The following ERC1 variants were observed in gnomAD, a reference collection of about 807,000 sequenced individuals.
ERC1 encodes ELKS/RAB6-interacting/CAST family member 1.
Under a neutral mutation model 132.0 loss-of-function variants are expected in ERC1, and 56 were observed. The ratio of observed to expected loss-of-function variants is 0.42; its 90% CI spans 0.34 to 0.53. ERC1 has a LOEUF of 0.53. Among genes scored for constraint, ERC1 ranks in the 20% least tolerant of loss-of-function variants. ERC1 has a pLI of 0.03. For missense variants in ERC1, 1,202 were observed against 1,349.9 expected, an observed-to-expected ratio of 0.89 and a Z score of 1.72; for synonymous variants, 478 against 476.1, an observed-to-expected ratio of 1.00 and a Z score of -0.05.
At chr12:1,456,141 A>G (rs1339275647) in intron 18 of ERC1, among the ~76,000 whole-genome samples, 2 of 152,220 alleles carry the variant, frequency 1.3e-5, no homozygotes, top group South Asian at 2.1e-4. Flanking sequence ...CACCAGTGCA[A>G]TGGCTCATGT....
chr12:1,294,754 G>A (rs1170515636), intron 15 of ERC1, among the ~76,000 whole-genome samples: 1 of 152,160 alleles, frequency 6.6e-6, no homozygotes, highest in Non-Finnish European at 1.5e-5. Flanking sequence ...AAGAAAATCT[G>A]ATATATAATT....
chr12:1,311,252 C>T (rs969173022), intron 15 of ERC1, among the ~76,000 whole-genome samples: 4 of 152,098 alleles, frequency 2.6e-5, no homozygotes, highest in African/African-American at 7.2e-5. Context: ...TTCTAAGAGC[C>T]GTAAAACAGA....
rs184896113 is a variant in ERC1, at chr12:1,485,085, C to T, written c.3214-5008C>T. 1.6e-4 allele frequency among the ~76,000 whole-genome samples: 24 copies of T among 151,130 alleles called. 1 individual carries two copies. The South Asian group carries it at 4.6e-3, about 29-fold the overall frequency. ...TTAGTTTTTTGTAGAGATGGGGTCT[C>T]GCTGTGTTGCGCAGGCTGGTCTTGA... On this transcript the variant is annotated intron_variant, in intron 18 of 18. Coordinates refer to ENST00000360905, the MANE Select transcript of ERC1 (RefSeq NM_178040.4).
At chr12:1,287,405 G>A (rs1031408407) in intron 14 of ERC1, among the ~76,000 whole-genome samples, 1 of 152,180 alleles carries the variant, frequency 6.6e-6, no homozygotes, top group Non-Finnish European at 1.5e-5. Flanking sequence ...CGGGGTGCCC[G>A]GATACTTGCT....
At chr12:1,465,839 A>G (rs1403109783) in intron 18 of ERC1, among the ~76,000 whole-genome samples, 1 of 152,194 alleles carries the variant, frequency 6.6e-6, no homozygotes, top group Non-Finnish European at 1.5e-5. Context: ...AGCCTTCTAG[A>G]GAATCTCCTG....
At chr12:1,033,789 C>T (rs1968540458) in intron 2 of ERC1, among the ~76,000 whole-genome samples, 1 of 152,166 alleles carries the variant, frequency 6.6e-6, no homozygotes. Context: ...GCCACCACGC[C>T]TGGCTAATTT....
chr12:1,484,093 C>T (rs1431884596), intron 18 of ERC1, among the ~76,000 whole-genome samples: 2 of 151,086 alleles, frequency 1.3e-5, no homozygotes, highest in Non-Finnish European at 3.0e-5. Context: ...ATCACGAGGT[C>T]AGGAGATCAA....
rs764908852 is a variant in ERC1, at chr12:1,355,682, G to C, written c.2781-16151G>C. Reference sequence around the variant, plus strand: ...TGTAAATAACAAGAGAAAGCGTCTTGTCTTTATTCCTCTTGCTCTGATCGT... The same window carrying C: ...TGTAAATAACAAGAGAAAGCGTCTTCTCTTTATTCCTCTTGCTCTGATCGT... On this transcript the variant is annotated intron_variant, in intron 15 of 18. Transcript: ENST00000360905. Among the ~76,000 whole-genome samples, 62 of 152,174 alleles carry C rather than the reference G, an allele frequency of 4.1e-4. 1 individual carries two copies. The highest frequency in any genetic ancestry group is 2.6e-4 in the Admixed American group (4 of 15,266).
At chr12:1,379,688 G>A (rs1219066264) in intron 16 of ERC1, among the ~76,000 whole-genome samples, 2 of 152,130 alleles carry the variant, frequency 1.3e-5, no homozygotes, top group African/African-American at 2.4e-5. Context: ...CTGACCCGGG[G>A]TCCTCTGTAG....
intron 7 of ERC1, among the ~76,000 whole-genome samples, chr12:1,122,829 TG>T (rs900911459): frequency 1.7e-4 from 26 of 151,822 alleles, no homozygotes; most frequent in African/African-American, 6.0e-4. Context: ...GGGTAGGGGT[TG>T]GGGGTGGGTG....
At chr12:1,032,753 C>T (rs561962472) in intron 2 of ERC1, among the ~76,000 whole-genome samples, 5 of 152,250 alleles carry the variant, frequency 3.3e-5, no homozygotes, top group African/African-American at 1.2e-4. Context: ...ACAATACTGA[C>T]TTTAGTTTTT....
chr12:1,441,043 G>T (rs2093137110), intron 17 of ERC1, among the ~76,000 whole-genome samples: 1 of 151,334 alleles, frequency 6.6e-6, no homozygotes, highest in South Asian at 2.1e-4. Context: ...AGCATAAAAT[G>T]CATTTAAATC....
intron 15 of ERC1, among the ~76,000 whole-genome samples, chr12:1,338,507 C>G (rs1175444358): frequency 6.6e-6 from 1 of 152,164 alleles, no homozygotes; most frequent in Non-Finnish European, 1.5e-5. Context: ...GATCTGCATT[C>G]CTATCCATAT....
chr12:1,374,169 G>A (rs2087584103), intron 16 of ERC1, among the ~76,000 whole-genome samples: 1 of 152,218 alleles, frequency 6.6e-6, no homozygotes, highest in African/African-American at 2.4e-5. Context: ...TCCATGAATT[G>A]CTGGAATGTG....
intron 12 of ERC1, among the ~76,000 whole-genome samples, chr12:1,231,378 A>G (rs755097334): frequency 2.6e-5 from 4 of 152,162 alleles, no homozygotes; most frequent in Non-Finnish European, 5.9e-5. Context: ...GTACCCATTG[A>G]CAAATTATTG....
At chr12:1,015,032 G>A (rs1965295269) in intron 1 of ERC1, among the ~76,000 whole-genome samples, 1 of 150,888 alleles carries the variant, frequency 6.6e-6, no homozygotes, top group South Asian at 2.1e-4. Context: ...CCAAAGTGTT[G>A]GGATTACAGG....
chr12:1,227,525 A>T (rs1022117785), intron 12 of ERC1, among the ~76,000 whole-genome samples: 2 of 152,278 alleles, frequency 1.3e-5, no homozygotes, highest in Non-Finnish European at 1.5e-5. Context: ...TTTTCTTGCT[A>T]TTGAGTTATC....
At chr12:1,263,734 G>C (rs544914925) in intron 14 of ERC1, among the ~76,000 whole-genome samples, 10 of 151,922 alleles carry the variant, frequency 6.6e-5, no homozygotes, top group African/African-American at 2.4e-4. Context: ...TTGTCCCCCA[G>C]GCTGGAGTGC....
intron 15 of ERC1, among the ~76,000 whole-genome samples, chr12:1,296,498 C>T (rs1278438260): frequency 6.8e-6 from 1 of 148,144 alleles, no homozygotes; most frequent in East Asian, 2.0e-4. Context: ...ACTGCAACCT[C>T]CGCCTCCTGG....
Sources: allele counts gnomAD v4.1 joint callset (sites outside exome capture counted in the v4.1 genomes callset), GRCh38; gene constraint gnomAD v4.1.1; transcripts MANE v1.5; gene names NCBI Gene and HGNC (gene_info 2026-07-23, HGNC 2026-07-21).